POLN: variants seen among roughly 807,000 people sequenced by gnomAD.
POLN encodes DNA polymerase nu.
Under a neutral mutation model 113.5 loss-of-function variants are expected in POLN, and 108 were observed. The observed-to-expected ratio is 0.95, with a 90% CI of 0.81 to 1.12. The LOEUF is 1.12. Ranked by LOEUF, POLN falls within the 50% of genes most tolerant of loss-of-function variation. POLN has a pLI of 0.00. For missense variants in POLN, 1,097 were observed against 1,077.1 expected (o/e 1.02, Z -0.26); for synonymous variants, 386 against 391.5 (o/e 0.99, Z 0.17).
intron 21 of POLN, 66 bp from the exon 22 acceptor site, chr4:2,081,809 C>CT: frequency 7.1e-7 from 1 of 1,400,554 alleles, no homozygotes; most frequent in Non-Finnish European, 1.0e-6. Flanking sequence ...GCAGCTCCCT[C>CT]GGGCCAGGTC....
intron 7 of POLN, among the ~76,000 whole-genome samples, chr4:2,192,580 C>T (rs928721980): frequency 3.3e-5 from 5 of 151,976 alleles, no homozygotes; most frequent in Admixed American, 6.5e-5. Context: ...CCTCGTGATC[C>T]GCCTGCCTCA....
chr4:2,170,393 T>G (rs956752235), intron 13 of POLN, among the ~76,000 whole-genome samples: 14 of 152,220 alleles, frequency 9.2e-5, no homozygotes, highest in Admixed American at 8.5e-4. Flanking sequence ...GCAAAGAGGT[T>G]GTGACTGGAT....
chr4:2,081,077 C>T (rs368088662), intron 22 of POLN, 41 bp from the exon 23 acceptor site: 53 of 1,612,516 alleles, frequency 3.3e-5, no homozygotes, highest in Admixed American at 8.3e-5. Flanking sequence ...CCATGGCACA[C>T]GGTTCATGGT....
At chr4:2,111,367 A>C (rs1731189952) in intron 19 of POLN, among the ~76,000 whole-genome samples, 1 of 152,068 alleles carries the variant, frequency 6.6e-6, no homozygotes, top group African/African-American at 2.4e-5. Context: ...CCTATTCAAC[A>C]TAGTGTTGGA....
chr4:2,117,040 GGTTT>G (rs1731332539), intron 19 of POLN, among the ~76,000 whole-genome samples: 1 of 152,136 alleles, frequency 6.6e-6, no homozygotes, highest in Non-Finnish European at 1.5e-5. Context: ...ACAAAACCAG[GGTTT>G]ATTTCTTATT....
chr4:2,173,872 T>C lies in POLN; in HGVS notation c.1374+83A>G, dbSNP rs539416066. ...AACAAGGAAGAGAAGAAAAGGAGAA[T>C]CTACTCTAGACCTGCCACTGGGAAC... On this transcript the variant is annotated intron_variant, in intron 11 of 25. Coordinates refer to ENST00000511885, the MANE Select transcript of POLN (RefSeq NM_181808.4). 7 of 1,282,578 alleles carry C rather than the reference T, an allele frequency of 5.5e-6. No individual in the cohort carries two copies. In the African/African-American group the frequency reaches 1.0e-4, roughly 19 times the overall value. The allele number at this position is 1,282,578 out of a possible 1,614,324, so 79.4% of individuals were successfully genotyped here.
Position 2,208,399 on chromosome 4 carries a change from G to A in POLN, c.302C>T (p.Ser101Phe), listed in dbSNP as rs368311924. 2 of 1,612,438 alleles carry A rather than the reference G, an allele frequency of 1.2e-6. No homozygotes were observed. Among genetic ancestry groups the A allele is most frequent in the Non-Finnish European group, 1.7e-6 (2 of 1,179,786 alleles). ...SFSVRLTDQL[S>F]ADQKQKSISS... ...GATGCTCTTCTGTTTTTGGTCAGCA[G>A]ACAGCTGATCTGTGAGCCTGACACT... is the stretch of plus-strand genomic sequence containing the variant. The change falls in exon 5 of 26, where the codon TCT becomes TTT. Residue 101 changes from serine to phenylalanine, a missense_variant. Coordinates refer to ENST00000511885, the MANE Select transcript of POLN (RefSeq NM_181808.4).
intron 5 of POLN, among the ~76,000 whole-genome samples, chr4:2,200,502 C>G (rs1028428374): frequency 6.6e-6 from 1 of 152,196 alleles, no homozygotes; most frequent in Non-Finnish European, 1.5e-5. Context: ...GTGTTGGTAT[C>G]CACAACCGAA....
intron 6 of POLN, among the ~76,000 whole-genome samples, chr4:2,193,947 G>C (rs35030163): frequency 6.6e-6 from 1 of 152,090 alleles, no homozygotes; most frequent in Non-Finnish European, 1.5e-5. Flanking sequence ...TGCCTTGAAC[G>C]TTTGTCTCTC....
rs554653835 is a variant in POLN, at chr4:2,236,567, T to C, written c.-13+4953A>G. 673 of 737,806 alleles carry C rather than the reference T, an allele frequency of 9.1e-4. 1 individual carries two copies. The highest frequency in any genetic ancestry group is 1.1e-3 in the Non-Finnish European group (507 of 446,978). 45.7% of individuals were successfully genotyped at this position (737,806 alleles called of 1,614,324 possible). A position where few individuals can be genotyped will look rare whatever the true frequency, so the allele number is the denominator to read the frequency against. ...GTGGGGATAGCTAAGTAACAACTTA[T>C]AAAAATATTGGCCGGGTACAGTAGC... On this transcript the variant is annotated intron_variant, in intron 2 of 25. Coordinates refer to ENST00000511885, the MANE Select transcript of POLN (RefSeq NM_181808.4).
Position 2,125,326 on chromosome 4 carries a change from C to T in POLN, c.1982+2787G>A, listed in dbSNP as rs183772913. 2.2e-3 allele frequency among the ~76,000 whole-genome samples: 331 copies of T among 152,198 alleles called. 1 individual carries two copies. The highest frequency in any genetic ancestry group is 7.3e-3 in the African/African-American group (304 of 41,516). On this transcript the variant is annotated intron_variant, in intron 19 of 25. Coordinates refer to ENST00000511885, the MANE Select transcript of POLN (RefSeq NM_181808.4). ...CATTGGAGAGGGGGAGGAGGGTATACGGAGACAGTGAGGTGGGGTGGAAGG... is the reference window on the plus strand; with the variant it reads ...CATTGGAGAGGGGGAGGAGGGTATATGGAGACAGTGAGGTGGGGTGGAAGG...
intron 15 of POLN, 111 bp downstream of exon 15, chr4:2,157,742 AAAAAG>A: frequency 4.1e-6 from 2 of 491,920 alleles, no homozygotes; most frequent in Non-Finnish European, 3.2e-6. Context: ...AAAAAAAAAA[AAAAAG>A]AATATTTAGA....
chr4:2,179,030 G>A (rs977429373), intron 8 of POLN, among the ~76,000 whole-genome samples: 1 of 152,150 alleles, frequency 6.6e-6, no homozygotes, highest in Admixed American at 6.5e-5. Context: ...GTGGCATTCT[G>A]TTCATGGAGC....
intron 19 of POLN, among the ~76,000 whole-genome samples, chr4:2,111,264 C>A (rs1731186273): frequency 6.6e-6 from 1 of 152,076 alleles, no homozygotes; most frequent in Non-Finnish European, 1.5e-5. Context: ...CTATCTATGA[C>A]AAACCCACAG....
chr4:2,084,908 CCTG>C (rs1730513320), intron 21 of POLN, among the ~76,000 whole-genome samples: 1 of 152,144 alleles, frequency 6.6e-6, no homozygotes, highest in Non-Finnish European at 1.5e-5. Context: ...TCCTTTTTTC[CCTG>C]CTGCTCTTTT....
At chr4:2,083,978 G>A (rs981413689) in intron 21 of POLN, among the ~76,000 whole-genome samples, 5 of 152,238 alleles carry the variant, frequency 3.3e-5, no homozygotes, top group Non-Finnish European at 7.3e-5. Context: ...GTCTGCTCCA[G>A]CTGGGGCAGC....
chr4:2,100,087 AAAAAG>A (rs1560989446), intron 19 of POLN, among the ~76,000 whole-genome samples: 13 of 149,538 alleles, frequency 8.7e-5, no homozygotes, highest in East Asian at 7.8e-4. Context: ...AAAAAAAAAG[AAAAAG>A]AAAAAAGAGA....
At chr4:2,078,436 G>T in intron 23 of POLN, 1 of 412,970 alleles carries the variant, frequency 2.4e-6, no homozygotes, top group Non-Finnish European at 3.3e-6. Flanking sequence ...AGCCCACCTG[G>T]GCAGACCCTT....
chr4:2,150,840 C>T (rs1050396509), intron 16 of POLN, among the ~76,000 whole-genome samples: 8 of 152,088 alleles, frequency 5.3e-5, no homozygotes, highest in Non-Finnish European at 1.0e-4. Flanking sequence ...ACAGTCATAG[C>T]TCTAAATGTA....
Sources: gnomAD v4.1 joint callset for allele counts (sites outside exome capture counted in the v4.1 genomes callset) on GRCh38, gnomAD v4.1.1 for gene constraint, MANE v1.5 for transcripts, NCBI Gene and HGNC (gene_info 2026-07-23, HGNC 2026-07-21) for gene names.